The following ENTREP2 variants were observed in gnomAD, a reference collection of about 807,000 sequenced individuals.
ENTREP2 encodes the protein endosomal transmembrane epsin interactor 2.
chr15:29,287,515 T>C, the ENTREP2 span, among the ~76,000 whole-genome samples: 1 of 152,008 alleles, frequency 6.6e-6, no homozygotes, highest in East Asian at 1.9e-4. Context: ...AACACCATAC[T>C]CAATCACAAT....
the ENTREP2 span, among the ~76,000 whole-genome samples, chr15:29,261,897 TTGAC>T: frequency 1.3e-5 from 2 of 149,528 alleles, no homozygotes; most frequent in African/African-American, 2.5e-5. Context: ...TGAAAATCAA[TTGAC>T]TAAGTATCTA....
chr15:29,570,675 G>T, the ENTREP2 span: 1 of 1,189,346 alleles, frequency 8.4e-7, no homozygotes, highest in East Asian at 3.6e-5. Flanking sequence ...GACAGGCTGC[G>T]GGGCAGCGCG....
chr15:29,520,183 G>A, the ENTREP2 span, among the ~76,000 whole-genome samples: 4 of 152,148 alleles, frequency 2.6e-5, no homozygotes, highest in Non-Finnish European at 5.9e-5. Flanking sequence ...TGTGCATTAT[G>A]TGACATGGAT....
At chr15:29,484,813 T>C in the ENTREP2 span, among the ~76,000 whole-genome samples, 5 of 152,326 alleles carry the variant, frequency 3.3e-5, no homozygotes, top group African/African-American at 4.8e-5. Flanking sequence ...AAAGTATCTA[T>C]TGACTATGAT....
chr15:29,527,317 T>TCCCCCC, the ENTREP2 span, among the ~76,000 whole-genome samples: 2 of 152,162 alleles, frequency 1.3e-5, 1 homozygote, highest in South Asian at 4.1e-4. Context: ...TAAGTAGATG[T>TCCCCCC]CCCATTAAAA....
the ENTREP2 span, among the ~76,000 whole-genome samples, chr15:29,373,340 G>A: frequency 6.6e-6 from 1 of 152,094 alleles, no homozygotes; most frequent in Non-Finnish European, 1.5e-5. Flanking sequence ...GGAACCAAGG[G>A]AACCTGAGTT....
At chr15:29,277,060 T>C in the ENTREP2 span, among the ~76,000 whole-genome samples, 1 of 152,166 alleles carries the variant, frequency 6.6e-6, no homozygotes, top group Non-Finnish European at 1.5e-5. Context: ...AAAGTATATA[T>C]GGGCCAGGCA....
chr15:29,262,097 G>GC, the ENTREP2 span, among the ~76,000 whole-genome samples: 18 of 147,570 alleles, frequency 1.2e-4, no homozygotes, highest in African/African-American at 4.2e-4. Context: ...AAAAAAAAAG[G>GC]GCGAAGGCAA....
the ENTREP2 span, among the ~76,000 whole-genome samples, chr15:29,154,431 G>A: frequency 3.7e-4 from 56 of 151,386 alleles, no homozygotes; most frequent in Non-Finnish European, 6.6e-4. Context: ...TCATTGAGAA[G>A]CTTACTCTCA....
chr15:29,579,387 C>T, the ENTREP2 span, among the ~76,000 whole-genome samples: 1 of 152,194 alleles, frequency 6.6e-6, no homozygotes. Context: ...CATATGTTGG[C>T]TTTTTTCATG....
At chr15:29,218,437 C>A in the ENTREP2 span, among the ~76,000 whole-genome samples, 1 of 152,162 alleles carries the variant, frequency 6.6e-6, no homozygotes, top group Non-Finnish European at 1.5e-5. Flanking sequence ...AATACCACCA[C>A]CATTCTTCAT....
the ENTREP2 span, among the ~76,000 whole-genome samples, chr15:29,170,546 A>G: frequency 6.6e-6 from 1 of 152,170 alleles, no homozygotes; most frequent in Admixed American, 6.5e-5. Context: ...CAACTTATAA[A>G]TCCAATGGAA....
chr15:29,530,205 C>T, the ENTREP2 span, among the ~76,000 whole-genome samples: 1 of 152,190 alleles, frequency 6.6e-6, no homozygotes, highest in African/African-American at 2.4e-5. Context: ...CAGCTGCCTT[C>T]TCACCCTAGG....
At chr15:29,182,969 C>A in the ENTREP2 span, among the ~76,000 whole-genome samples, 10 of 152,078 alleles carry the variant, frequency 6.6e-5, no homozygotes, top group African/African-American at 1.7e-4. Flanking sequence ...CAAAATTAAA[C>A]CCCAGGGGGA....
At chr15:29,613,911 G>T in the ENTREP2 span, 2 of 165,628 alleles carry the variant, frequency 1.2e-5, no homozygotes, top group East Asian at 1.7e-4. Context: ...TTGATGCCAA[G>T]AACATGATGG....
the ENTREP2 span, among the ~76,000 whole-genome samples, chr15:29,643,479 A>G: frequency 6.6e-6 from 1 of 151,722 alleles, no homozygotes; most frequent in Non-Finnish European, 1.5e-5. Flanking sequence ...AGTGATAACA[A>G]GCATCAAAAA....
the ENTREP2 span, among the ~76,000 whole-genome samples, chr15:29,517,641 G>A: frequency 2.0e-5 from 3 of 152,204 alleles, no homozygotes; most frequent in South Asian, 6.2e-4. Context: ...TATCCTGAAA[G>A]TAAAATGTAT....
chr15:29,388,960 G>A, the ENTREP2 span, among the ~76,000 whole-genome samples: 30 of 114,822 alleles, frequency 2.6e-4, no homozygotes, highest in African/African-American at 1.0e-3. Context: ...ACCGGGGCCT[G>A]TTGTGGGGTG....
the ENTREP2 span, among the ~76,000 whole-genome samples, chr15:29,437,047 CT>C: frequency 6.6e-6 from 1 of 152,212 alleles, no homozygotes; most frequent in African/African-American, 2.4e-5. Context: ...CTTAAATTGT[CT>C]TTTAGACGTT....
Sources: gnomAD v4.1 joint callset for allele counts (sites outside exome capture counted in the v4.1 genomes callset) on GRCh38, gnomAD v4.1.1 for gene constraint, MANE v1.5 for transcripts, NCBI Gene and HGNC (gene_info 2026-07-23, HGNC 2026-07-21) for gene names.